The following CUBN variants were observed in gnomAD, a reference collection of about 807,000 sequenced individuals.
The protein encoded by CUBN is 460 kDa receptor.
In CUBN, 282 loss-of-function variants were observed where a neutral mutation model predicts 405.3. The ratio of observed to expected loss-of-function variants is 0.70; its 90% CI spans 0.63 to 0.77. The LOEUF (loss-of-function observed/expected upper bound fraction) is 0.77, where lower values mean the gene tolerates loss of function less well. Ranked by LOEUF, CUBN falls within the 30% of genes least tolerant of loss-of-function variation. The pLI, the probability that CUBN is intolerant of heterozygous loss-of-function variation, is 0.00. For synonymous variants in CUBN, 1,684 were observed against 1,617.0 expected (o/e 1.04, Z -0.99); for missense variants, 4,514 against 4,475.2 (o/e 1.01, Z -0.25).
At chr10:17,031,777 C>A (rs141231447) in intron 27 of CUBN, among the ~76,000 whole-genome samples, 1 of 152,312 alleles carries the variant, frequency 6.6e-6, no homozygotes, top group African/African-American at 2.4e-5. Flanking sequence ...TGGCGTTTAC[C>A]TTTAAACCAA....
intron 31 of CUBN, among the ~76,000 whole-genome samples, 177 bp downstream of exon 31, chr10:16,982,307 C>A (rs1467266774): frequency 6.6e-6 from 1 of 152,184 alleles, no homozygotes; most frequent in African/African-American, 2.4e-5. Context: ...TATCTACTTC[C>A]TGATTTGTTT....
At chr10:17,020,866 TCTTTTAAA>T (rs1834478744) in intron 27 of CUBN, among the ~76,000 whole-genome samples, 1 of 152,238 alleles carries the variant, frequency 6.6e-6, no homozygotes, top group Non-Finnish European at 1.5e-5. Context: ...TTCAAATGTT[TCTTTTAAA>T]AGATTCCTAG....
At chr10:17,012,550 G>C (rs1336955945) in intron 28 of CUBN, among the ~76,000 whole-genome samples, 2 of 152,216 alleles carry the variant, frequency 1.3e-5, no homozygotes, top group Non-Finnish European at 2.9e-5. Context: ...AACTGTCTGA[G>C]AAATGCTTTG....
chr10:16,834,395 G>T (rs1839105598), intron 64 of CUBN, among the ~76,000 whole-genome samples: 1 of 152,122 alleles, frequency 6.6e-6, no homozygotes, highest in Admixed American at 6.5e-5. Context: ...GTCCTGGGGT[G>T]GGAGTGGGGG....
intron 56 of CUBN, among the ~76,000 whole-genome samples, chr10:16,887,503 G>C (rs1411326412): frequency 2.0e-5 from 3 of 152,144 alleles, no homozygotes; most frequent in Non-Finnish European, 4.4e-5. Flanking sequence ...ATTCATTTCT[G>C]AAGAACCAAT....
Position 16,900,745 on chromosome 10 carries a change from A to C in CUBN, c.8290T>G (p.Cys2764Gly). 1.9e-6 allele frequency: 3 copies of C among 1,614,120 alleles called. No individual in the cohort carries two copies. The highest frequency in any genetic ancestry group is 1.1e-5 in the South Asian group (1 of 91,088). The stretch of plus-strand genomic sequence containing the variant: ...ATTGTCCTGGGGTTTGAATTTCCAC[A>C]GTATTGTCCTATGATGGGTGATTCA... Reference protein sequence around the residue: ...SPESPIIGQYCGNSNPRTIQS... With the variant: ...SPESPIIGQYGGNSNPRTIQS... Residue 2764 changes from cysteine to glycine, a missense_variant, in exon 53 of 67, where the codon TGT becomes GGT. By Grantham distance (159) the Cys-to-Gly change is radical. This residue lies in a region of CUBN where 1,186 missense variants were observed against 1,186.9 expected (regional missense o/e 1.00). Coordinates refer to ENST00000377833, the MANE Select transcript of CUBN (RefSeq NM_001081.4).
intron 17 of CUBN, among the ~76,000 whole-genome samples, chr10:17,078,996 T>C (rs1835913224): frequency 1.3e-5 from 2 of 152,160 alleles, no homozygotes; most frequent in South Asian, 4.1e-4. Context: ...CTCTACAAGT[T>C]CTCACAACTC....
chr10:16,824,515 G>T lies in CUBN; in HGVS notation c.*460C>A, dbSNP rs1588559715. On this transcript the variant is annotated 3_prime_UTR_variant, in exon 67 of 67. Transcript: ENST00000377833. ...AGAAAATGTACAAATATTGATTCTG[G>T]TTTTTTTTGTTTCTTTTTTTTTTGA... 5.9e-6 allele frequency: 1 copy of T among 168,260 alleles called. No homozygotes were observed. The highest frequency in any genetic ancestry group is 1.3e-5 in the Non-Finnish European group (1 of 76,824). 10.4% of individuals were successfully genotyped at this position (168,260 alleles called of 1,614,324 possible). A position where few individuals can be genotyped will look rare whatever the true frequency, so the allele number is the denominator to read the frequency against.
chr10:16,935,653 G>A (rs1391255977), intron 39 of CUBN, among the ~76,000 whole-genome samples: 1 of 152,010 alleles, frequency 6.6e-6, no homozygotes, highest in Non-Finnish European at 1.5e-5. Flanking sequence ...GCCGAGGTGG[G>A]CAGATCATGA....
At chr10:16,902,782 G>A (rs1841432115) in intron 51 of CUBN, among the ~76,000 whole-genome samples, 1 of 152,170 alleles carries the variant, frequency 6.6e-6, no homozygotes, top group South Asian at 2.1e-4. Context: ...AAAGAGTGAA[G>A]TCTGAGAGGG....
Position 16,986,670 on chromosome 10 carries a change from G to A in CUBN, c.4351-2391C>T, listed in dbSNP as rs144919430. On this transcript the variant is annotated intron_variant, in intron 29 of 66. Transcript: ENST00000377833. ...AAGAGCCCTGTGTGGCCCCTGACAC[G>A]TACACATATGCAAATGGCAGAAGCA... Among the ~76,000 whole-genome samples the A allele has an allele frequency of 2.8e-3, 425 of 152,212 alleles. 1 individual carries two copies. Among genetic ancestry groups the A allele is most frequent in the Admixed American group, 5.9e-3 (90 of 15,292 alleles).
intron 27 of CUBN, 77 bp from the exon 28 acceptor site, chr10:17,020,060 C>T: frequency 6.5e-7 from 1 of 1,531,702 alleles, no homozygotes; most frequent in African/African-American, 1.4e-5. Flanking sequence ...ACACAAGTAG[C>T]AAAAGCTGTT....
Position 16,825,048 on chromosome 10 carries a change from T to C in CUBN, c.10799A>G (p.Asn3600Ser). The change falls in exon 67 of 67, where the codon AAT becomes AGT. Residue 3600 changes from asparagine to serine, a missense_variant. Transcript: ENST00000377833. ...AGCATGAAATTTTATGAAGACCTGA[T>C]TTGAGGAAGCCACGAAGGGAGCTAT... ...TSIAPFVASSNQVFIKFHADY... is the reference protein window; with the variant it reads ...TSIAPFVASSSQVFIKFHADY... 2 of 1,613,876 alleles carry C rather than the reference T, an allele frequency of 1.2e-6. No individual in the cohort carries two copies. Among genetic ancestry groups the C allele is most frequent in the Non-Finnish European group, 1.7e-6 (2 of 1,179,908 alleles).
intron 27 of CUBN, among the ~76,000 whole-genome samples, chr10:17,031,071 T>A (rs1237810672): frequency 6.6e-6 from 1 of 152,236 alleles, no homozygotes; most frequent in Non-Finnish European, 1.5e-5. Flanking sequence ...ATTTTTTTCA[T>A]TATTTTTCTT....
At position 17,115,606 on chromosome 10, in the gene CUBN, TA is replaced by T; in HGVS notation, c.594-10del. The T allele has an allele frequency of 2.5e-6, 4 of 1,614,158 alleles. No homozygotes were observed. The highest frequency in any genetic ancestry group is 2.5e-6 in the Non-Finnish European group (3 of 1,180,002). ...CAGGTGGGCAGTGACAACTGTTGGTTACACAAGAGCACAATGTCAGGGCACG... is the reference window on the plus strand; with the variant it reads ...CAGGTGGGCAGTGACAACTGTTGGTTCACAAGAGCACAATGTCAGGGCACG... On this transcript the variant is annotated splice_polypyrimidine_tract_variant and intron_variant, in intron 6 of 66. Transcript: ENST00000377833.
At chr10:16,935,828 C>T (rs1047700361) in intron 39 of CUBN, among the ~76,000 whole-genome samples, 4 of 129,730 alleles carry the variant, frequency 3.1e-5, no homozygotes, top group Non-Finnish European at 4.6e-5. Context: ...TGCAGAGAGC[C>T]GAGATTGTGC....
intron 22 of CUBN, among the ~76,000 whole-genome samples, chr10:17,051,703 A>C (rs1480871855): frequency 1.3e-5 from 2 of 152,020 alleles, no homozygotes; most frequent in African/African-American, 2.4e-5. Flanking sequence ...AGAAGAAAAA[A>C]AGGTCAGTAA....
Position 16,941,435 on chromosome 10 carries a change from T to G in CUBN, c.5343-1198A>C, listed in dbSNP as rs116712235. On this transcript the variant is annotated intron_variant, in intron 36 of 66. Coordinates refer to ENST00000377833, the MANE Select transcript of CUBN (RefSeq NM_001081.4). Reference sequence around the variant, plus strand: ...AGAAGAAAACACGGAGAAAAATCTTTGTGACCTTGGGATGGGCAAATATTT... The same window carrying G: ...AGAAGAAAACACGGAGAAAAATCTTGGTGACCTTGGGATGGGCAAATATTT... Among the ~76,000 whole-genome samples the G allele has an allele frequency of 8.6e-3, 1,310 of 152,276 alleles. 16 individuals carry two copies. Among genetic ancestry groups the G allele is most frequent in the African/African-American group, 0.03 (1,260 of 41,552 alleles).
At chr10:17,114,313 T>G in intron 7 of CUBN, 124 bp from the exon 8 acceptor site, 3 of 935,752 alleles carry the variant, frequency 3.2e-6, no homozygotes, top group Non-Finnish European at 5.1e-6. Flanking sequence ...GCCAATCCAC[T>G]GGCTTCTCTT....
Sources: gnomAD v4.1 joint callset for allele counts (sites outside exome capture counted in the v4.1 genomes callset) on GRCh38, gnomAD v4.1.1 for gene constraint, gnomAD v4.1.1 regional missense constraint, MANE v1.5 for transcripts, NCBI Gene and HGNC (gene_info 2026-07-23, HGNC 2026-07-21) for gene names.